The following CDH22 variants were observed in gnomAD, a reference collection of about 807,000 sequenced individuals.
The protein encoded by CDH22 is cadherin 22.
A neutral mutation model predicts 58.4 loss-of-function variants in CDH22; 30 were observed. That is an observed-to-expected ratio of 0.51 (90% CI 0.38 to 0.70). The LOEUF (loss-of-function observed/expected upper bound fraction) is 0.70. Ranked by LOEUF, CDH22 falls within the 30% of genes least tolerant of loss-of-function variation. CDH22 has a pLI of 0.00. For missense variants in CDH22, 1,014 were observed against 1,233.9 expected (o/e 0.82, Z 2.67); for synonymous variants, 513 against 558.2 (o/e 0.92, Z 1.14).
chr20:46,217,137 G>T, intron 4 of CDH22, 144 bp from the exon 5 acceptor site: 1 of 694,656 alleles, frequency 1.4e-6, no homozygotes, highest in Non-Finnish European at 2.4e-6. Flanking sequence ...GGACATCCAC[G>T]TGTCCACCAT....
chr20:46,271,202 T>C (rs2086486885), intron 1 of CDH22, among the ~76,000 whole-genome samples: 1 of 152,182 alleles, frequency 6.6e-6, no homozygotes, highest in South Asian at 2.1e-4. Context: ...CCCTCCAAGG[T>C]AGGCACTGTT....
intron 4 of CDH22, among the ~76,000 whole-genome samples, chr20:46,218,189 G>A (rs1307028957): frequency 6.6e-6 from 1 of 152,194 alleles, no homozygotes; most frequent in Non-Finnish European, 1.5e-5. Flanking sequence ...CTCCCAAAGT[G>A]CTGAGATTAC....
intron 7 of CDH22, among the ~76,000 whole-genome samples, chr20:46,201,389 C>A (rs1477419016): frequency 1.3e-5 from 2 of 152,208 alleles, no homozygotes; most frequent in African/African-American, 2.4e-5. Context: ...GGCTGCATTG[C>A]CAAACCTCTC....
rs746880569 is a variant in CDH22 at position 46,251,158 on chromosome 20, G to A, written c.137C>T (p.Ala46Val). 1.2e-5 allele frequency: 19 copies of A among 1,589,366 alleles called. No homozygotes were observed. In the Admixed American group the frequency reaches 3.3e-4, roughly 28 times the overall value. ...LWAAGTPSPS[A>V]PGARQDGALG... ...CGCGCCGTCCTGCCGAGCTCCGGGC[G>A]CCGACGGCGAGGGTGTGCCCGCTGC... is the stretch of plus-strand genomic sequence containing the variant. Residue 46 changes from alanine (A) to valine (V), a missense_variant, in exon 2 of 12, where the codon GCG becomes GTG. Ala to Val is a moderately conservative substitution (Grantham distance 64). Around this residue, in one of 2 missense-constraint regions of CDH22, gnomAD observed 806 missense variants for 1,038.7 expected, o/e 0.78. Transcript: ENST00000537909. The surrounding 1 kb of genome is among the most constrained non-coding windows in gnomAD (Gnocchi z 6.7).
At chr20:46,262,605 C>G (rs1031716487) in intron 1 of CDH22, among the ~76,000 whole-genome samples, 1 of 152,130 alleles carries the variant, frequency 6.6e-6, no homozygotes, top group Non-Finnish European at 1.5e-5. Flanking sequence ...CCACACACAG[C>G]CTTTTGAGGT....
At chr20:46,244,073 T>G (rs898894914) in intron 2 of CDH22, among the ~76,000 whole-genome samples, 1 of 152,222 alleles carries the variant, frequency 6.6e-6, no homozygotes, top group African/African-American at 2.4e-5. Context: ...GAGGATTAGA[T>G]GAGAGCATGT....
At chr20:46,207,622 C>T (rs1327245591) in intron 7 of CDH22, among the ~76,000 whole-genome samples, 4 of 152,168 alleles carry the variant, frequency 2.6e-5, no homozygotes, top group Non-Finnish European at 5.9e-5. Flanking sequence ...TGGGCATTCT[C>T]GGCTTCAGGA....
chr20:46,239,077 G>A (rs1426590360), intron 3 of CDH22, among the ~76,000 whole-genome samples: 1 of 152,146 alleles, frequency 6.6e-6, no homozygotes, highest in Admixed American at 6.5e-5. Flanking sequence ...CTTCCTCCAG[G>A]TCTTCAGAGA....
In CDH22 at chr20:46,244,602, AG is replaced by A. The variant is rs2086315347; in HGVS notation, c.256-3346del. On this transcript the variant is annotated intron_variant, in intron 2 of 11. Transcript: ENST00000537909. ...GTTTGTAAATGTATCCCTATTTTCC[AG>A]GTGAAGAGACTGAGATGGCCCCCGG... is the stretch of plus-strand genomic sequence containing the variant. Among the ~76,000 whole-genome samples the A allele has an allele frequency of 1.6e-4, 25 of 152,180 alleles. 1 individual carries two copies. The highest frequency in any genetic ancestry group is 1.6e-3 in the Admixed American group (25 of 15,288).
intron 10 of CDH22, among the ~76,000 whole-genome samples, chr20:46,184,895 G>A (rs2085813542): frequency 6.6e-6 from 1 of 152,114 alleles, no homozygotes; most frequent in African/African-American, 2.4e-5. Context: ...AGACCAGCCT[G>A]GCCAACATGG....
At position 46,210,637 on chromosome 20, in the gene CDH22, A is replaced by T; in HGVS notation, c.1033-77T>A. Reference sequence around the variant, plus strand: ...AGGCCTTCACGAGGGAGGCCAAGGCAGGCGGGGTTGGCCCAAGGTCACACG... The same window carrying T: ...AGGCCTTCACGAGGGAGGCCAAGGCTGGCGGGGTTGGCCCAAGGTCACACG... On this transcript the variant is annotated intron_variant, in intron 6 of 11. Coordinates refer to ENST00000537909, the MANE Select transcript of CDH22 (RefSeq NM_021248.3). The surrounding 1 kb of genome is among the most constrained non-coding windows in gnomAD (Gnocchi z 4.5). 2 of 1,343,014 alleles carry T rather than the reference A, an allele frequency of 1.5e-6. No individual in the cohort carries two copies. The highest frequency in any genetic ancestry group is 1.9e-6 in the Non-Finnish European group (2 of 1,026,052). 83.2% of individuals were successfully genotyped at this position (1,343,014 alleles called of 1,614,324 possible). A position where few individuals can be genotyped will look rare whatever the true frequency, so the allele number is the denominator to read the frequency against.
chr20:46,199,305 C>A, intron 8 of CDH22, 118 bp downstream of exon 8: 2 of 1,241,056 alleles, frequency 1.6e-6, no homozygotes, highest in South Asian at 3.0e-5. Context: ...GGCCCCTCCC[C>A]CGTGGGCTTT....
intron 4 of CDH22, among the ~76,000 whole-genome samples, chr20:46,219,645 G>A (rs995355268): frequency 6.6e-5 from 10 of 152,202 alleles, no homozygotes; most frequent in African/African-American, 9.6e-5. Context: ...AGAACCACTC[G>A]TATAGGATTT....
At chr20:46,226,117 C>G (rs1044909930) in intron 4 of CDH22, among the ~76,000 whole-genome samples, 46 of 152,168 alleles carry the variant, frequency 3.0e-4, no homozygotes, top group Admixed American at 1.4e-3. Context: ...ATTGCCGAAG[C>G]CTGAGCTGCT....
At chr20:46,243,171 C>T (rs1452838781) in intron 2 of CDH22, among the ~76,000 whole-genome samples, 1 of 152,168 alleles carries the variant, frequency 6.6e-6, no homozygotes, top group African/African-American at 2.4e-5. Flanking sequence ...GAACAGGTGC[C>T]CATGAAGTCA....
chr20:46,236,382 C>T (rs1342330926), intron 3 of CDH22, among the ~76,000 whole-genome samples: 1 of 151,074 alleles, frequency 6.6e-6, no homozygotes, highest in Non-Finnish European at 1.5e-5. Context: ...CAGGACTTCC[C>T]TGACCCCTCT....
chr20:46,305,802 G>T (rs1156416376), intron 1 of CDH22, among the ~76,000 whole-genome samples: 1 of 152,262 alleles, frequency 6.6e-6, no homozygotes. Context: ...CTCGGGAGGA[G>T]ACGGGCCCTC....
At chr20:46,291,063 G>A (rs2086599932) in intron 1 of CDH22, among the ~76,000 whole-genome samples, 1 of 152,170 alleles carries the variant, frequency 6.6e-6, no homozygotes, top group East Asian at 1.9e-4. Context: ...GATCACCTGA[G>A]GTCAGGAGTT....
chr20:46,198,797 T>C (rs2085930303), intron 8 of CDH22, among the ~76,000 whole-genome samples: 1 of 152,136 alleles, frequency 6.6e-6, no homozygotes, highest in Admixed American at 6.6e-5. Context: ...CACTGGCTGT[T>C]CCCCCTGCTT....
Sources: allele counts gnomAD v4.1 joint callset (sites outside exome capture counted in the v4.1 genomes callset), GRCh38; gene constraint gnomAD v4.1.1; regional missense constraint gnomAD v4.1.1; non-coding constraint Gnocchi (gnomAD v3.1); transcripts MANE v1.5; gene names NCBI Gene and HGNC (gene_info 2026-07-23, HGNC 2026-07-21).